Variants in ANXA6 observed in about 807,000 individuals in gnomAD.
The protein encoded by ANXA6 is 67 kDa calelectrin.
In ANXA6, 71 loss-of-function variants were observed where a neutral mutation model predicts 95.4. That is an observed-to-expected ratio of 0.74 (90% CI 0.61 to 0.91). ANXA6 has a LOEUF of 0.91. ANXA6 is among the 40% of genes least tolerant of loss of function. The pLI is 0.00. For synonymous variants in ANXA6, 289 were observed against 315.9 expected (o/e 0.91, Z 0.90); for missense variants, 830 against 876.4 (o/e 0.95, Z 0.67).
chr5:151,104,158 G>A (rs1764628319), intron 24 of ANXA6, among the ~76,000 whole-genome samples: 1 of 152,200 alleles, frequency 6.6e-6, no homozygotes, highest in South Asian at 2.1e-4. Context: ...CCAGAAGCTA[G>A]GAGAGGCAGG....
chr5:151,122,926 G>GT lies in ANXA6; in HGVS notation c.1223dup (p.His408GlnfsTer9). Reference sequence around the variant, plus strand: ...AGGAGGAGGTCCTTACCCGGCCAAAGTGAGACTTGAAGGTCTGCCGGATCT... The same window carrying GT: ...AGGAGGAGGTCCTTACCCGGCCAAAGTTGAGACTTGAAGGTCTGCCGGATCT... On this transcript the variant is annotated frameshift_variant, in exon 16 of 26. Coordinates refer to ENST00000354546, the MANE Select transcript of ANXA6 (RefSeq NM_001155.5). LOFTEE classifies it high-confidence loss of function. The GT allele has an allele frequency of 6.2e-7, 1 of 1,613,948 alleles. No homozygotes were observed. Among genetic ancestry groups the GT allele is most frequent in the Non-Finnish European group, 8.5e-7 (1 of 1,179,864 alleles).
Position 151,129,513 on chromosome 5 carries a change from TCCCGAGTCCCCAGG to T in ANXA6, c.798_811del (p.Leu267GlnfsTer11). 1 of 1,606,146 alleles carries T rather than the reference TCCCGAGTCCCCAGG, an allele frequency of 6.2e-7. No homozygotes were observed. The highest frequency in any genetic ancestry group is 8.5e-7 in the Non-Finnish European group (1 of 1,176,394). On this transcript the variant is annotated frameshift_variant and splice_region_variant, in exon 12 of 26. Transcript: ENST00000354546. LOFTEE classifies it high-confidence loss of function. ...GACCATGATGCGGATCAGGGTGTTGTCCCGAGTCCCCAGGCCCTGCAAGACAAGTGGGTTTGGGG... is the reference window on the plus strand; with the variant it reads ...GACCATGATGCGGATCAGGGTGTTGTCCCTGCAAGACAAGTGGGTTTGGGG...
At position 151,119,463 on chromosome 5, in the gene ANXA6, G is replaced by A. The variant is rs116005470; in HGVS notation, c.1348-73C>T. On this transcript the variant is annotated intron_variant, in intron 17 of 25. Transcript: ENST00000354546. ...GTGCAGAGGTCCATGGGGCCCGGAC[G>A]GCTAAAGCTCAGGCCAAGCATTCCT... 1.6e-3 allele frequency: 2,110 copies of A among 1,328,702 alleles called. 24 individuals are homozygous for A. The African/African-American group carries it at 0.026, about 16-fold the overall frequency. The allele number at this position is 1,328,702 out of a possible 1,614,324, so 82.3% of individuals were successfully genotyped here. A position where few individuals can be genotyped will look rare whatever the true frequency, so the allele number is the denominator to read the frequency against.
At chr5:151,142,563 C>T (rs969881217) in intron 2 of ANXA6, among the ~76,000 whole-genome samples, 14 of 152,082 alleles carry the variant, frequency 9.2e-5, no homozygotes, top group Admixed American at 2.0e-4. Context: ...TTTAGTTCAG[C>T]TTCCCACTCA....
At chr5:151,147,335 G>C (rs575223781) in intron 2 of ANXA6, among the ~76,000 whole-genome samples, 5 of 152,170 alleles carry the variant, frequency 3.3e-5, no homozygotes, top group Non-Finnish European at 7.3e-5. Flanking sequence ...CCTTCGTCAG[G>C]CCAAACAGTT....
At chr5:151,108,211 C>T (rs1764752291) in intron 23 of ANXA6, among the ~76,000 whole-genome samples, 1 of 151,952 alleles carries the variant, frequency 6.6e-6, no homozygotes, top group Admixed American at 6.6e-5. Context: ...TGCCCCCTCC[C>T]CTGCCTGCCC....
intron 22 of ANXA6, 50 bp downstream of exon 22, chr5:151,109,703 G>T (rs1346696465): frequency 2.1e-6 from 3 of 1,447,274 alleles, no homozygotes; most frequent in South Asian, 2.4e-5. Context: ...GCTCTCATCA[G>T]ATTCTGGGAT....
rs1581987167 is a variant in ANXA6, at chr5:151,117,321, A to G, written c.1519-141T>C. On this transcript the variant is annotated intron_variant, in intron 19 of 25. Transcript: ENST00000354546. ...ACAGGGACGAAAATCCTGCCTCTAT[A>G]AGGTAGGCTGTTGTGGTCATTAACT... is the stretch of plus-strand genomic sequence containing the variant. 9.3e-6 allele frequency: 7 copies of G among 754,948 alleles called. No homozygotes were observed. In the East Asian group the frequency reaches 1.8e-4, roughly 19 times the overall value. The allele number at this position is 754,948 out of a possible 1,614,324, so 46.8% of individuals were successfully genotyped here. A position where few individuals can be genotyped will look rare whatever the true frequency, so the allele number is the denominator to read the frequency against.
Position 151,110,651 on chromosome 5 carries a change from G to C in ANXA6, c.1573-7C>G. On this transcript the variant is annotated splice_region_variant and splice_polypyrimidine_tract_variant and intron_variant, in intron 20 of 25. Coordinates refer to ENST00000354546, the MANE Select transcript of ANXA6 (RefSeq NM_001155.5). ...CCAAGATCTCAGCAGCCACCTGAGA[G>C]CAGGGAGGGGAGAGAGGAGGGAGAG... 1 of 1,613,230 alleles carries C rather than the reference G, an allele frequency of 6.2e-7. No homozygotes were observed. The highest frequency in any genetic ancestry group is 8.5e-7 in the Non-Finnish European group (1 of 1,179,454).
chr5:151,107,441 C>G lies in ANXA6; in HGVS notation c.1780+1014G>C, dbSNP rs80303941. On this transcript the variant is annotated intron_variant, in intron 23 of 25. Transcript: ENST00000354546. Reference sequence around the variant, plus strand: ...CATGCTTTTATTCGTCGGGCTATCCCGCCTCCTAGATATTGCTCCTGGGTG... The same window carrying G: ...CATGCTTTTATTCGTCGGGCTATCCGGCCTCCTAGATATTGCTCCTGGGTG... Among the ~76,000 whole-genome samples, 176 of 152,268 alleles carry G rather than the reference C, an allele frequency of 1.2e-3. 4 individuals carry two copies. In the East Asian group the frequency reaches 0.031, roughly 27 times the overall value.
At chr5:151,140,376 T>C (rs1243436656) in intron 2 of ANXA6, 133 bp from the exon 3 acceptor site, 2 of 748,918 alleles carry the variant, frequency 2.7e-6, no homozygotes, top group Admixed American at 2.2e-5. Context: ...GCTGGCCACA[T>C]ACACCCTGGG....
At chr5:151,129,009 G>A (rs1388772812) in intron 12 of ANXA6, among the ~76,000 whole-genome samples, 1 of 151,344 alleles carries the variant, frequency 6.6e-6, no homozygotes, top group Non-Finnish European at 1.5e-5. Context: ...AAGCCTCAGG[G>A]GCCGGATGTC....
chr5:151,111,666 G>A (rs1764852908), intron 20 of ANXA6, among the ~76,000 whole-genome samples: 1 of 152,192 alleles, frequency 6.6e-6, no homozygotes, highest in Admixed American at 6.5e-5. Context: ...TCGGCTCACT[G>A]CAACCTTGAC....
intron 4 of ANXA6, 52 bp downstream of exon 4, chr5:151,139,301 T>G: frequency 9.5e-5 from 126 of 1,322,416 alleles, no homozygotes; most frequent in Non-Finnish European, 1.2e-4. Flanking sequence ...CACAGGTGAA[T>G]GAAATCATTC....
chr5:151,130,461 C>T (rs376813441), intron 11 of ANXA6, among the ~76,000 whole-genome samples: 3 of 152,228 alleles, frequency 2.0e-5, no homozygotes, highest in East Asian at 1.9e-4. Flanking sequence ...TACTATGTTG[C>T]CCAGGCTGGT....
intron 19 of ANXA6, 112 bp downstream of exon 19, chr5:151,117,646 T>A (rs759182853): frequency 1.1e-6 from 1 of 895,212 alleles, no homozygotes; most frequent in Non-Finnish European, 1.8e-6. Flanking sequence ...AGACACCCCC[T>A]CTCCATCAGG....
intron 14 of ANXA6, among the ~76,000 whole-genome samples, chr5:151,124,789 C>A (rs566100434): frequency 6.6e-6 from 1 of 152,346 alleles, no homozygotes; most frequent in South Asian, 2.1e-4. Context: ...GAAAAGGCAG[C>A]AGAAAAGTTC....
chr5:151,148,227 G>A (rs1233509065), intron 1 of ANXA6, among the ~76,000 whole-genome samples: 1 of 152,144 alleles, frequency 6.6e-6, no homozygotes, highest in African/African-American at 2.4e-5. Flanking sequence ...ACCTGTCTCA[G>A]CACCGTCTCA....
chr5:151,107,165 G>A (rs548465830), intron 23 of ANXA6, among the ~76,000 whole-genome samples: 6 of 152,292 alleles, frequency 3.9e-5, no homozygotes, highest in South Asian at 4.1e-4. Flanking sequence ...CTAACTTTGC[G>A]CAGGGCTTGG....
Sources: allele counts gnomAD v4.1 joint callset (sites outside exome capture counted in the v4.1 genomes callset), GRCh38; gene constraint gnomAD v4.1.1; transcripts MANE v1.5; gene names NCBI Gene and HGNC (gene_info 2026-07-23, HGNC 2026-07-21).